Variants in DYNC1I1 observed in about 807,000 individuals in gnomAD.
The protein encoded by DYNC1I1 is dynein cytoplasmic 1 intermediate chain 1.
A neutral mutation model predicts 86.6 loss-of-function variants in DYNC1I1; 43 were observed. That is an observed-to-expected ratio of 0.50 (90% CI 0.39 to 0.64). DYNC1I1 has a LOEUF of 0.64. Ranked by LOEUF, DYNC1I1 falls within the 30% of genes least tolerant of loss-of-function variation. The probability of loss-of-function intolerance (pLI) is 0.00; values close to 1 mark genes in which losing one functional copy is unlikely to be tolerated. For synonymous variants in DYNC1I1, 262 were observed against 283.7 expected (o/e 0.92, Z 0.77); for missense variants, 604 against 788.8 (o/e 0.77, Z 2.81).
chr7:96,107,863 T>C (rs1791240987), intron 16 of DYNC1I1, among the ~76,000 whole-genome samples: 1 of 148,352 alleles, frequency 6.7e-6, no homozygotes, highest in Non-Finnish European at 1.5e-5. Context: ...CAGTTTTCAT[T>C]GACAGGTTTT....
chr7:95,944,202 A>C (rs1319953858), intron 6 of DYNC1I1, among the ~76,000 whole-genome samples: 1 of 152,230 alleles, frequency 6.6e-6, no homozygotes, highest in Non-Finnish European at 1.5e-5. Context: ...ACTCCATCAA[A>C]AAGTGGGCAA....
chr7:96,040,021 G>A (rs1451127100), intron 14 of DYNC1I1, among the ~76,000 whole-genome samples: 4 of 152,018 alleles, frequency 2.6e-5, no homozygotes, highest in African/African-American at 9.7e-5. Context: ...ATCGCTTGAG[G>A]TCAGGAGTTT....
At chr7:95,851,504 A>T (rs1584277685) in intron 5 of DYNC1I1, among the ~76,000 whole-genome samples, 1 of 152,194 alleles carries the variant, frequency 6.6e-6, no homozygotes, top group Admixed American at 6.5e-5. Flanking sequence ...TTGGATAAAG[A>T]GGGGCTACTG....
chr7:96,063,083 A>ATGTGTG (rs1171713223), intron 14 of DYNC1I1, among the ~76,000 whole-genome samples: 2 of 142,690 alleles, frequency 1.4e-5, no homozygotes, highest in Non-Finnish European at 3.1e-5. Context: ...ATATATGTGT[A>ATGTGTG]TGTGTGTGTG....
At chr7:95,934,919 C>T (rs1791997501) in intron 6 of DYNC1I1, among the ~76,000 whole-genome samples, 2 of 150,230 alleles carry the variant, frequency 1.3e-5, no homozygotes, top group African/African-American at 2.5e-5. Flanking sequence ...TTTTGTTCTT[C>T]GTTTTTTTTT....
intron 5 of DYNC1I1, among the ~76,000 whole-genome samples, chr7:95,869,374 G>T (rs183618643): frequency 7.2e-5 from 11 of 152,134 alleles, no homozygotes; most frequent in African/African-American, 2.6e-4. Flanking sequence ...ATCTGTGTTA[G>T]TTCCTATTCT....
chr7:95,802,234 T>C (rs1018315033), intron 1 of DYNC1I1, among the ~76,000 whole-genome samples: 1 of 152,190 alleles, frequency 6.6e-6, no homozygotes, highest in Non-Finnish European at 1.5e-5. Flanking sequence ...TTCTTCCTAA[T>C]TTCACTGCCA....
intron 10 of DYNC1I1, among the ~76,000 whole-genome samples, chr7:96,004,401 G>A (rs1364592085): frequency 1.3e-5 from 2 of 151,838 alleles, no homozygotes; most frequent in African/African-American, 4.8e-5. Context: ...GTTCTCTAAA[G>A]CCATTATGTT....
At chr7:95,940,192 T>C (rs1420806570) in intron 6 of DYNC1I1, among the ~76,000 whole-genome samples, 1 of 152,202 alleles carries the variant, frequency 6.6e-6, no homozygotes, top group Admixed American at 6.5e-5. Context: ...GGCTTCCCTT[T>C]GAGGGTAACC....
intron 10 of DYNC1I1, among the ~76,000 whole-genome samples, chr7:95,999,238 G>A (rs1343803455): frequency 6.6e-6 from 1 of 152,144 alleles, no homozygotes; most frequent in Non-Finnish European, 1.5e-5. Flanking sequence ...CTTTTAAATG[G>A]AATGAATAGA....
At chr7:95,804,279 AG>A (rs1329963510) in intron 1 of DYNC1I1, 1 of 863,346 alleles carries the variant, frequency 1.2e-6, no homozygotes, top group South Asian at 2.0e-5. Context: ...AAATTTGAGC[AG>A]GGCATATCTC....
chr7:96,041,123 A>G lies in DYNC1I1; in HGVS notation c.1509+1702A>G, dbSNP rs555810536. ...ACTAGAAAAGGGAGATGAAAAAGTA[A>G]CCCAGGAAATAGAAGACAAATTAGA... On this transcript the variant is annotated intron_variant, in intron 14 of 16. Coordinates refer to ENST00000447467, the MANE Select transcript of DYNC1I1 (RefSeq NM_001135556.2). Among the ~76,000 whole-genome samples, 3 of 152,296 alleles carry G rather than the reference A, an allele frequency of 2.0e-5. No individual in the cohort carries two copies. In the South Asian group the frequency reaches 6.2e-4, roughly 32 times the overall value.
At chr7:95,859,981 C>A (rs1371111869) in intron 5 of DYNC1I1, among the ~76,000 whole-genome samples, 1 of 152,172 alleles carries the variant, frequency 6.6e-6, no homozygotes, top group Non-Finnish European at 1.5e-5. Flanking sequence ...ATAAAACTGT[C>A]CCTTTTGCCC....
At chr7:95,775,396 A>T (rs1793815554) in intron 1 of DYNC1I1, among the ~76,000 whole-genome samples, 1 of 152,226 alleles carries the variant, frequency 6.6e-6, no homozygotes, top group African/African-American at 2.4e-5. Context: ...TAAATGACAT[A>T]CTCAACATCA....
intron 8 of DYNC1I1, 88 bp from the exon 9 acceptor site, chr7:95,986,968 G>A: frequency 1.7e-6 from 2 of 1,163,124 alleles, no homozygotes; most frequent in Middle Eastern, 2.5e-4. Context: ...AGAGTATTGT[G>A]TGCCAGGCTT....
rs1794805430 is a variant in DYNC1I1, at chr7:95,810,511, T to C, written c.223+5T>C. On this transcript the variant is annotated splice_donor_5th_base_variant and intron_variant, in intron 3 of 16. Transcript: ENST00000447467. ...TCTCACCGGAGCCGCCTCTAGGTAC[T>C]TAAAAGTGCTTCCTGTTACTATTCC... 1.2e-6 allele frequency: 2 copies of C among 1,608,466 alleles called. No individual in the cohort carries two copies. Among genetic ancestry groups the C allele is most frequent in the East Asian group, 2.2e-5 (1 of 44,772 alleles).
chr7:95,915,704 CGTT>C (rs1018999398), intron 6 of DYNC1I1, among the ~76,000 whole-genome samples: 5 of 152,058 alleles, frequency 3.3e-5, no homozygotes, highest in Non-Finnish European at 5.9e-5. Flanking sequence ...TGCAATTCCT[CGTT>C]GTCAATGAAA....
chr7:96,091,033 C>T (rs938389419), intron 16 of DYNC1I1, among the ~76,000 whole-genome samples: 88 of 152,194 alleles, frequency 5.8e-4, no homozygotes, highest in African/African-American at 2.1e-3. Flanking sequence ...CCACTTTGCT[C>T]CCATCTGTGT....
chr7:96,057,374 G>C (rs139189417), intron 14 of DYNC1I1, among the ~76,000 whole-genome samples: 131 of 152,220 alleles, frequency 8.6e-4, no homozygotes, highest in African/African-American at 2.9e-3. Context: ...AGAAAGGAGT[G>C]ATTTAGAGAT....
Sources: allele counts gnomAD v4.1 joint callset (sites outside exome capture counted in the v4.1 genomes callset), GRCh38; gene constraint gnomAD v4.1.1; transcripts MANE v1.5; gene names NCBI Gene and HGNC (gene_info 2026-07-23, HGNC 2026-07-21).